Variants in CSMD1 observed in about 807,000 individuals in gnomAD.
CSMD1 encodes the protein CUB and Sushi multiple domains 1, also known as CUB and sushi domain-containing protein 1.
A neutral mutation model predicts 417.5 loss-of-function variants in CSMD1; 213 were observed. The ratio of observed to expected loss-of-function variants is 0.51; its 90% CI spans 0.46 to 0.57. CSMD1 has a LOEUF of 0.57. Ranked by LOEUF, CSMD1 falls within the 20% of genes least tolerant of loss-of-function variation. The pLI is 0.00. For synonymous variants in CSMD1, 2,862 were observed against 1,736.8 expected (o/e 1.65, Z -16.11); for missense variants, 6,923 against 4,529.7 (o/e 1.53, Z -15.17).
intron 2 of CSMD1, among the ~76,000 whole-genome samples, chr8:4,544,668 G>C (rs1797554929): frequency 6.6e-6 from 1 of 152,150 alleles, no homozygotes; most frequent in Non-Finnish European, 1.5e-5. Flanking sequence ...CGTATTCCAT[G>C]TCCAGCTTTA....
intron 2 of CSMD1, among the ~76,000 whole-genome samples, chr8:4,441,391 G>A (rs1798474294): frequency 6.6e-6 from 1 of 150,984 alleles, no homozygotes; most frequent in Admixed American, 6.6e-5. Context: ...GTAATCACAG[G>A]CATGAGCCAA....
chr8:3,936,328 A>C (rs556804674), intron 5 of CSMD1, among the ~76,000 whole-genome samples: 2 of 152,328 alleles, frequency 1.3e-5, no homozygotes, highest in South Asian at 2.1e-4. Flanking sequence ...TATTGAGTGT[A>C]AACAAAGCAG....
At chr8:4,038,270 A>C (rs1488487743) in intron 3 of CSMD1, among the ~76,000 whole-genome samples, 4 of 152,164 alleles carry the variant, frequency 2.6e-5, no homozygotes, top group African/African-American at 9.6e-5. Context: ...TTAAGAATAA[A>C]TTAGAATATT....
chr8:3,729,003 C>T (rs1028804434), intron 6 of CSMD1, among the ~76,000 whole-genome samples: 2 of 152,140 alleles, frequency 1.3e-5, no homozygotes, highest in African/African-American at 4.8e-5. Context: ...TGCTACTGTC[C>T]TCTGTGGGGA....
At chr8:4,010,997 G>A (rs1488231408) in intron 4 of CSMD1, among the ~76,000 whole-genome samples, 1 of 152,094 alleles carries the variant, frequency 6.6e-6, no homozygotes, top group South Asian at 2.1e-4. Flanking sequence ...CTCCCTTTCT[G>A]GGGGATGACT....
chr8:4,017,932 C>G (rs188256639), intron 4 of CSMD1, among the ~76,000 whole-genome samples: 2 of 152,242 alleles, frequency 1.3e-5, no homozygotes, highest in African/African-American at 2.4e-5. Flanking sequence ...AATCATAAAG[C>G]TGGTTGCACA....
At chr8:4,107,640 C>A (rs570108324) in intron 3 of CSMD1, among the ~76,000 whole-genome samples, 1 of 152,240 alleles carries the variant, frequency 6.6e-6, no homozygotes, top group Non-Finnish European at 1.5e-5. Context: ...CAATGAGCAC[C>A]ACCGAAAGCT....
chr8:3,282,664 G>A (rs5029004), intron 26 of CSMD1, among the ~76,000 whole-genome samples: 109,589 of 151,918 alleles, frequency 0.72, 40,514 homozygotes, highest in Admixed American at 0.82. Context: ...ATTTTACCAT[G>A]TACAAGTACT....
intron 1 of CSMD1, among the ~76,000 whole-genome samples, chr8:4,942,092 G>C (rs567723144): frequency 1.3e-5 from 2 of 152,166 alleles, no homozygotes; most frequent in East Asian, 3.9e-4. Flanking sequence ...TATTTTTACA[G>C]GTAACATTCC....
chr8:3,776,805 G>GATATATATATATATATATATATATAT (rs1411200186), intron 5 of CSMD1, among the ~76,000 whole-genome samples: 11 of 96,672 alleles, frequency 1.1e-4, no homozygotes, highest in African/African-American at 4.9e-4. Flanking sequence ...ACATATAGAC[G>GATATATATATATATATATATATATAT]AGATATATAT....
chr8:4,651,925 T>C (rs1174920539), intron 1 of CSMD1, among the ~76,000 whole-genome samples: 1 of 152,200 alleles, frequency 6.6e-6, no homozygotes, highest in African/African-American at 2.4e-5. Flanking sequence ...TAGTATGATT[T>C]AGAGACCTGA....
intron 11 of CSMD1, among the ~76,000 whole-genome samples, chr8:3,471,828 A>C (rs1392470259): frequency 6.6e-6 from 1 of 152,218 alleles, no homozygotes; most frequent in Non-Finnish European, 1.5e-5. Flanking sequence ...GAAAGTAAAC[A>C]TACTGTTTTA....
At position 3,953,048 on chromosome 8, in the gene CSMD1, CAATGA is replaced by C. The variant is rs1484862064; in HGVS notation, c.818+44850_818+44854del. On this transcript the variant is annotated intron_variant, in intron 5 of 69. Transcript: ENST00000635120. ...GGTTTACTAAAGACAAAATTATAAT[CAATGA>C]AAAGAACAGAAAAGAAACAGTATTT... Among the ~76,000 whole-genome samples the C allele has an allele frequency of 7.9e-5, 12 of 151,436 alleles. No homozygotes were observed. In the South Asian group the frequency reaches 1.5e-3, roughly 19 times the overall value.
intron 3 of CSMD1, among the ~76,000 whole-genome samples, chr8:4,264,127 T>G: frequency 6.6e-6 from 1 of 152,112 alleles, no homozygotes; most frequent in East Asian, 1.9e-4. Flanking sequence ...CATTTGTAGG[T>G]AAAGAATACA....
chr8:4,759,537 AT>A (rs1308960304), intron 1 of CSMD1, among the ~76,000 whole-genome samples: 4 of 151,680 alleles, frequency 2.6e-5, no homozygotes, highest in Non-Finnish European at 5.9e-5. Flanking sequence ...ATGCACTAGG[AT>A]TTTTTTCCTA....
chr8:3,004,136 A>T (rs1404717164), intron 52 of CSMD1, among the ~76,000 whole-genome samples: 3 of 152,204 alleles, frequency 2.0e-5, no homozygotes, highest in Non-Finnish European at 4.4e-5. Flanking sequence ...TGCACACTTC[A>T]AAACCAAATA....
At chr8:4,005,551 C>G (rs563038308) in intron 4 of CSMD1, among the ~76,000 whole-genome samples, 2 of 152,298 alleles carry the variant, frequency 1.3e-5, no homozygotes, top group Middle Eastern at 3.4e-3. Flanking sequence ...TCTTTATTTT[C>G]TGAATTGTCT....
chr8:3,746,626 A>G (rs1450477716), intron 6 of CSMD1, among the ~76,000 whole-genome samples: 1 of 152,222 alleles, frequency 6.6e-6, no homozygotes, highest in Non-Finnish European at 1.5e-5. Context: ...CTGATGAATA[A>G]TATTTCATAT....
chr8:4,780,623 A>G (rs918535524), intron 1 of CSMD1, among the ~76,000 whole-genome samples: 4 of 152,128 alleles, frequency 2.6e-5, no homozygotes, highest in Non-Finnish European at 5.9e-5. Context: ...GGTTACATGA[A>G]CAAGTTATTT....
Sources: gnomAD v4.1 joint callset for allele counts (sites outside exome capture counted in the v4.1 genomes callset) on GRCh38, gnomAD v4.1.1 for gene constraint, MANE v1.5 for transcripts, NCBI Gene and HGNC (gene_info 2026-07-23, HGNC 2026-07-21) for gene names.